The following GRM7 variants were observed in gnomAD, a reference collection of about 807,000 sequenced individuals.
GRM7 encodes metabotropic glutamate receptor 7.
Under a neutral mutation model 84.5 loss-of-function variants are expected in GRM7, and 35 were observed. The ratio of observed to expected loss-of-function variants is 0.41; its 90% CI spans 0.32 to 0.55. The LOEUF (loss-of-function observed/expected upper bound fraction) is 0.55, where lower values mean the gene tolerates loss of function less well. Among genes scored for constraint, GRM7 ranks in the 20% least tolerant of loss-of-function variants. The pLI, the probability that GRM7 is intolerant of heterozygous loss-of-function variation, is 0.19. For synonymous variants in GRM7, 487 were observed against 455.1 expected (o/e 1.07, Z -0.89); for missense variants, 1,003 against 1,194.6 (o/e 0.84, Z 2.36).
chr3:7,358,723 CTTTTGAATA>C (rs1693519555), intron 4 of GRM7, among the ~76,000 whole-genome samples: 2 of 125,072 alleles, frequency 1.6e-5, no homozygotes, highest in Non-Finnish European at 3.4e-5. Context: ...ATAAGCTTCT[CTTTTGAATA>C]CATATTATTT....
At chr3:7,517,505 G>A (rs1351060594) in intron 7 of GRM7, among the ~76,000 whole-genome samples, 1 of 152,068 alleles carries the variant, frequency 6.6e-6, no homozygotes, top group African/African-American at 2.4e-5. Flanking sequence ...GGATTCCCAT[G>A]CCTCCGCCTC....
chr3:7,333,774 C>G (rs532926036), intron 4 of GRM7, among the ~76,000 whole-genome samples: 1 of 151,448 alleles, frequency 6.6e-6, no homozygotes, highest in Non-Finnish European at 1.5e-5. Flanking sequence ...AAAAAACAAT[C>G]AAAACTTCTG....
At chr3:7,698,525 G>A (rs12488916) in intron 9 of GRM7, among the ~76,000 whole-genome samples, 6,420 of 152,262 alleles carry the variant, frequency 0.042, 193 homozygotes, top group South Asian at 0.11. Flanking sequence ...TGGGCCCAGA[G>A]ATCATGCTCT....
chr3:7,009,507 G>T (rs78060212), intron 1 of GRM7, among the ~76,000 whole-genome samples: 1 of 152,132 alleles, frequency 6.6e-6, no homozygotes, highest in African/African-American at 2.4e-5. Context: ...ATGATAAGTA[G>T]ATATAAAGTA....
chr3:6,911,091 C>T (rs1696753546), intron 1 of GRM7, among the ~76,000 whole-genome samples: 1 of 152,052 alleles, frequency 6.6e-6, no homozygotes, highest in Non-Finnish European at 1.5e-5. Context: ...CTCATAGGAG[C>T]TTCTAATCAT....
intron 1 of GRM7, among the ~76,000 whole-genome samples, chr3:7,018,596 G>C (rs1695659693): frequency 6.6e-6 from 1 of 152,232 alleles, no homozygotes; most frequent in African/African-American, 2.4e-5. Context: ...GCTGAGCGTA[G>C]GAAGTGAGTG....
intron 2 of GRM7, among the ~76,000 whole-genome samples, chr3:7,178,177 G>A (rs1038928617): frequency 3.3e-5 from 5 of 152,178 alleles, no homozygotes; most frequent in Admixed American, 3.3e-4. Context: ...GCTTCAGAAA[G>A]TCTGGACAAA....
intron 1 of GRM7, among the ~76,000 whole-genome samples, chr3:6,958,512 G>A (rs1392682142): frequency 6.6e-6 from 1 of 152,034 alleles, no homozygotes; most frequent in Non-Finnish European, 1.5e-5. Flanking sequence ...TTGTGTGGAT[G>A]TTATTCTTTC....
At chr3:7,020,030 A>G (rs1386868859) in intron 1 of GRM7, among the ~76,000 whole-genome samples, 3 of 152,116 alleles carry the variant, frequency 2.0e-5, no homozygotes, top group African/African-American at 7.2e-5. Context: ...TTTTTGTACT[A>G]TTAGAGACGG....
intron 7 of GRM7, among the ~76,000 whole-genome samples, chr3:7,538,430 C>T (rs951295528): frequency 7.2e-5 from 11 of 152,134 alleles, no homozygotes; most frequent in Admixed American, 2.0e-4. Flanking sequence ...TATTTTGATA[C>T]TCATGACTTT....
intron 9 of GRM7, among the ~76,000 whole-genome samples, chr3:7,734,728 A>G (rs760588728): frequency 1.9e-4 from 29 of 152,214 alleles, no homozygotes; most frequent in Non-Finnish European, 3.2e-4. Flanking sequence ...TTTATAGTTC[A>G]GAATTGAACT....
intron 1 of GRM7, among the ~76,000 whole-genome samples, chr3:7,002,157 T>C (rs528834848): frequency 4.6e-5 from 7 of 152,310 alleles, no homozygotes; most frequent in South Asian, 2.1e-4. Flanking sequence ...TCTTTGAAGA[T>C]TGAATTATTA....
intron 5 of GRM7, among the ~76,000 whole-genome samples, chr3:7,443,398 C>T (rs1389913219): frequency 6.6e-6 from 1 of 151,980 alleles, no homozygotes; most frequent in Non-Finnish European, 1.5e-5. Flanking sequence ...CTAGTCTCTC[C>T]CTTCTCTCAT....
intron 9 of GRM7, among the ~76,000 whole-genome samples, chr3:7,732,831 G>A (rs765211823): frequency 1.7e-4 from 26 of 152,268 alleles, no homozygotes; most frequent in South Asian, 1.0e-3. Flanking sequence ...AGTGCAAAGC[G>A]AAAGCAAGTT....
intron 1 of GRM7, among the ~76,000 whole-genome samples, chr3:7,064,519 C>CACATATATATATATATATAT (rs1697575876): frequency 2.2e-5 from 2 of 90,006 alleles, no homozygotes; most frequent in African/African-American, 1.1e-4. Context: ...TATATATATA[C>CACATATATATATATATATAT]ACACACACAC....
intron 7 of GRM7, among the ~76,000 whole-genome samples, chr3:7,557,943 T>A (rs1350076891): frequency 6.6e-6 from 1 of 152,120 alleles, no homozygotes; most frequent in Non-Finnish European, 1.5e-5. Context: ...TGGAGCTCTT[T>A]TATTTCCTCC....
At chr3:7,404,349 G>A (rs1348159373) in intron 4 of GRM7, among the ~76,000 whole-genome samples, 8 of 152,146 alleles carry the variant, frequency 5.3e-5, no homozygotes, top group Non-Finnish European at 1.2e-4. Flanking sequence ...GGAATTCCCT[G>A]GTAGATTCTT....
intron 2 of GRM7, among the ~76,000 whole-genome samples, chr3:7,297,591 G>GAC (rs2125019767): frequency 6.6e-6 from 1 of 152,208 alleles, no homozygotes; most frequent in African/African-American, 2.4e-5. Context: ...CACTAATTGG[G>GAC]ATTCCAGTGT....
chr3:7,141,833 A>G (rs1408564689), intron 1 of GRM7, among the ~76,000 whole-genome samples: 1 of 151,798 alleles, frequency 6.6e-6, no homozygotes, highest in Non-Finnish European at 1.5e-5. Context: ...TTAAAGAATT[A>G]TTAATTAATA....
Sources: gnomAD v4.1 joint callset for allele counts (sites outside exome capture counted in the v4.1 genomes callset) on GRCh38, gnomAD v4.1.1 for gene constraint, MANE v1.5 for transcripts, NCBI Gene and HGNC (gene_info 2026-07-23, HGNC 2026-07-21) for gene names.